PCDH15: variants seen among roughly 807,000 people sequenced by gnomAD.
PCDH15 encodes protocadherin related 15, also known as protocadherin-15.
PCDH15 carries 129 observed loss-of-function variants against 178.5 expected under a neutral mutation model. That is an observed-to-expected ratio of 0.72 (90% CI 0.63 to 0.84). PCDH15 has a LOEUF of 0.84. Among genes scored for constraint, PCDH15 ranks in the 40% least tolerant of loss-of-function variants. The pLI is 0.00. For synonymous variants in PCDH15, 800 were observed against 732.0 expected (o/e 1.09, Z -1.50); for missense variants, 2,230 against 2,099.9 (o/e 1.06, Z -1.21).
chr10:55,565,950 T>C (rs1229671884), intron 2 of PCDH15, among the ~76,000 whole-genome samples: 1 of 151,616 alleles, frequency 6.6e-6, no homozygotes, highest in Non-Finnish European at 1.5e-5. Context: ...TTTCCAAAAA[T>C]GCTGTCATGA....
chr10:54,719,145 T>C (rs112352116), intron 1 of PCDH15, among the ~76,000 whole-genome samples: 3 of 148,328 alleles, frequency 2.0e-5, no homozygotes, highest in African/African-American at 7.6e-5. Flanking sequence ...TTCAGAATAT[T>C]AAAAAAGGGT....
At position 55,569,785 on chromosome 10, in the gene PCDH15, C is replaced by T. The variant is rs573925885; in HGVS notation, c.-156+57840G>A. Among the ~76,000 whole-genome samples, 3 of 152,014 alleles carry T rather than the reference C, an allele frequency of 2.0e-5. No homozygotes were observed. In the East Asian group the frequency reaches 5.8e-4, roughly 30 times the overall value. On this transcript the variant is annotated intron_variant, in intron 2 of 5. Coordinates refer to the PCDH15 transcript ENST00000613346. ...TAAAAAGTATGATATTTAATGTAAA[C>T]TCATTCAGAGTAATCGTGTGAACAT...
chr10:54,046,652 C>T (rs2093661583), intron 18 of PCDH15, among the ~76,000 whole-genome samples: 2 of 152,100 alleles, frequency 1.3e-5, no homozygotes, highest in African/African-American at 4.8e-5. Context: ...GTGGTTAACT[C>T]TAGGTGGAGG....
intron 2 of PCDH15, among the ~76,000 whole-genome samples, chr10:55,159,458 A>G (rs1273770918): frequency 6.8e-6 from 1 of 147,556 alleles, no homozygotes; most frequent in Non-Finnish European, 1.5e-5. Flanking sequence ...CTATACAAAG[A>G]TCTCTCTCTC....
intron 5 of PCDH15, among the ~76,000 whole-genome samples, chr10:54,360,638 C>T (rs1162175952): frequency 6.6e-6 from 1 of 152,040 alleles, no homozygotes; most frequent in Non-Finnish European, 1.5e-5. Context: ...TCAATTATAA[C>T]TTTTTATAAC....
intron 3 of PCDH15, among the ~76,000 whole-genome samples, chr10:54,852,998 C>T (rs983364014): frequency 1.3e-4 from 19 of 150,278 alleles, no homozygotes; most frequent in East Asian, 4.0e-4. Flanking sequence ...CAATGGCTCA[C>T]GCCTGTAATC....
At chr10:54,433,784 G>A (rs571934082) in intron 3 of PCDH15, among the ~76,000 whole-genome samples, 3 of 152,132 alleles carry the variant, frequency 2.0e-5, no homozygotes, top group East Asian at 1.9e-4. Flanking sequence ...TTACATGCCC[G>A]TATCAAAGCA....
intron 2 of PCDH15, among the ~76,000 whole-genome samples, chr10:55,138,926 G>A (rs187291225): frequency 2.8e-4 from 43 of 151,902 alleles, no homozygotes; most frequent in African/African-American, 3.4e-4. Context: ...TATCTATAGC[G>A]TCATATGTAT....
At chr10:53,815,301 T>C (rs1054222568) in intron 35 of PCDH15, among the ~76,000 whole-genome samples, 1 of 152,242 alleles carries the variant, frequency 6.6e-6, no homozygotes, top group Non-Finnish European at 1.5e-5. Flanking sequence ...ACTGAATTTC[T>C]TCCTGTTACA....
chr10:54,213,405 T>G (rs2051659780), intron 10 of PCDH15, among the ~76,000 whole-genome samples: 1 of 152,138 alleles, frequency 6.6e-6, no homozygotes, highest in Non-Finnish European at 1.5e-5. Context: ...TTGAATTATT[T>G]CAAGTCTAAG....
chr10:54,197,688 T>C (rs1012371346), intron 10 of PCDH15, among the ~76,000 whole-genome samples: 1 of 152,190 alleles, frequency 6.6e-6, no homozygotes, highest in African/African-American at 2.4e-5. Flanking sequence ...TTCCTTCTAA[T>C]AGTAATTTAA....
intron 2 of PCDH15, among the ~76,000 whole-genome samples, chr10:54,620,171 A>T (rs375858139): frequency 1.8e-4 from 28 of 152,158 alleles, no homozygotes; most frequent in African/African-American, 6.5e-4. Context: ...TTCTTTACAG[A>T]AAAAGTTTGC....
chr10:54,063,870 G>A (rs1238021523), intron 18 of PCDH15, among the ~76,000 whole-genome samples: 1 of 152,200 alleles, frequency 6.6e-6, no homozygotes, highest in Non-Finnish European at 1.5e-5. Context: ...AGAGCCTTCT[G>A]CTGTGAGCAC....
intron 3 of PCDH15, among the ~76,000 whole-genome samples, chr10:54,472,287 C>CA (rs201074584): frequency 0.17 from 20,802 of 120,198 alleles, 1,799 homozygotes; most frequent in South Asian, 0.28. Flanking sequence ...AAATGTTATG[C>CA]AAAAAAAAAA....
intron 6 of PCDH15, among the ~76,000 whole-genome samples, chr10:54,334,114 G>T (rs1276579122): frequency 6.6e-6 from 1 of 152,082 alleles, no homozygotes; most frequent in Non-Finnish European, 1.5e-5. Flanking sequence ...TCCAATTATG[G>T]TTAAATGATT....
chr10:54,128,944 T>C (rs1393306726), intron 15 of PCDH15, among the ~76,000 whole-genome samples: 3 of 152,230 alleles, frequency 2.0e-5, no homozygotes, highest in Non-Finnish European at 4.4e-5. Flanking sequence ...TACAAAACAT[T>C]CCCATCCCTC....
intron 2 of PCDH15, chr10:55,599,794 A>G (rs1843030121): frequency 2.0e-6 from 1 of 505,050 alleles, no homozygotes; most frequent in African/African-American, 2.0e-5. Context: ...TAGCATTGCT[A>G]GTATTAGAGG....
At chr10:55,442,644 A>G (rs1157512389) in intron 2 of PCDH15, among the ~76,000 whole-genome samples, 2 of 150,960 alleles carry the variant, frequency 1.3e-5, no homozygotes, top group Admixed American at 6.6e-5. Flanking sequence ...CTTTTAATTA[A>G]TTAAGCCAAA....
chr10:55,377,622 A>G (rs1051812849), intron 2 of PCDH15, among the ~76,000 whole-genome samples: 12 of 152,078 alleles, frequency 7.9e-5, no homozygotes, highest in Non-Finnish European at 1.5e-4. Context: ...TGACATTTAT[A>G]TTTGACCTTT....
Sources: gnomAD v4.1 joint callset for allele counts (sites outside exome capture counted in the v4.1 genomes callset) on GRCh38, gnomAD v4.1.1 for gene constraint, MANE v1.5 for transcripts, NCBI Gene and HGNC (gene_info 2026-07-23, HGNC 2026-07-21) for gene names.